The following EML1 variants were observed in gnomAD, a reference collection of about 807,000 sequenced individuals.
The protein encoded by EML1 is EMAP like 1.
In EML1, 27 loss-of-function variants were observed where a neutral mutation model predicts 110.4. The observed-to-expected ratio is 0.24, with a 90% CI of 0.18 to 0.34. The LOEUF (loss-of-function observed/expected upper bound fraction) is 0.34. Among genes scored for constraint, EML1 ranks in the 10% least tolerant of loss-of-function variants. The pLI is 1.00. For missense variants in EML1, 741 were observed against 1,030.9 expected (o/e 0.72, Z 3.85); for synonymous variants, 344 against 385.8 (o/e 0.89, Z 1.27).
upstream of EML1, among the ~76,000 whole-genome samples, chr14:99,790,865 C>CTTTTTTTTTTTTTTTTTTTTTTTTTTTT (rs763959981): frequency 6.5e-5 from 9 of 138,472 alleles, no homozygotes; most frequent in African/African-American, 2.0e-4. Flanking sequence ...TTTTTCTTTT[C>CTTTTTTTTTTTTTTTTTTTTTTTTTTTT]CTTTTTTTTT....
intron 1 of EML1, among the ~76,000 whole-genome samples, chr14:99,841,906 C>G (rs1039331482): frequency 2.6e-5 from 4 of 152,146 alleles, no homozygotes; most frequent in Non-Finnish European, 5.9e-5. Context: ...AGCAGGTGCC[C>G]AGCCCAACCG....
chr14:99,748,427 C>CTT (rs762393185), intron 1 of EML1, among the ~76,000 whole-genome samples: 1 of 146,974 alleles, frequency 6.8e-6, no homozygotes. Context: ...GCTTTGTTAT[C>CTT]TTTTTTTTTT....
At chr14:99,792,527 G>C (rs1019753720), upstream of EML1, among the ~76,000 whole-genome samples, 11 of 152,134 alleles carry the variant, frequency 7.2e-5, no homozygotes, top group African/African-American at 2.7e-4. Flanking sequence ...CAAACTCATA[G>C]ATCTATGTGT....
intron 1 of EML1, among the ~76,000 whole-genome samples, chr14:99,757,559 T>C (rs2057271150): frequency 6.6e-6 from 1 of 152,162 alleles, no homozygotes; most frequent in African/African-American, 2.4e-5. Context: ...AACTTTTTAT[T>C]GGGATGAGGA....
chr14:99,868,064 A>G (rs1416120527), intron 3 of EML1, among the ~76,000 whole-genome samples: 1 of 152,148 alleles, frequency 6.6e-6, no homozygotes, highest in African/African-American at 2.4e-5. Flanking sequence ...TTTCTGCATC[A>G]GTTGAAATGA....
At chr14:99,813,745 G>A (rs1329135780) in intron 1 of EML1, among the ~76,000 whole-genome samples, 1 of 152,072 alleles carries the variant, frequency 6.6e-6, no homozygotes, top group East Asian at 1.9e-4. Context: ...AGATGGAGGA[G>A]GACTGGCTAT....
intron 1 of EML1, among the ~76,000 whole-genome samples, chr14:99,844,299 C>T (rs1321765998): frequency 5.3e-5 from 8 of 152,078 alleles, no homozygotes; most frequent in African/African-American, 1.2e-4. Context: ...GCCCACATAG[C>T]GAAACCCCGT....
chr14:99,777,175 T>C (rs534676584), intron 1 of EML1, among the ~76,000 whole-genome samples: 16 of 152,062 alleles, frequency 1.1e-4, no homozygotes, highest in Non-Finnish European at 2.1e-4. Flanking sequence ...AAATGGGAGC[T>C]CAAGAAGAAA....
At chr14:99,856,998 A>G (rs2058913651) in intron 2 of EML1, among the ~76,000 whole-genome samples, 1 of 152,196 alleles carries the variant, frequency 6.6e-6, no homozygotes, top group Non-Finnish European at 1.5e-5. Context: ...ATGGCTGGGC[A>G]TGGTGGCTCA....
intron 17 of EML1, among the ~76,000 whole-genome samples, chr14:99,935,726 T>C (rs1309673962): frequency 7.4e-6 from 1 of 135,642 alleles, no homozygotes; most frequent in Non-Finnish European, 1.5e-5. Flanking sequence ...GAGCTTGCCG[T>C]GAGTCGAGAT....
At chr14:99,834,414 G>A (rs549477053) in intron 1 of EML1, among the ~76,000 whole-genome samples, 3 of 151,782 alleles carry the variant, frequency 2.0e-5, no homozygotes, top group African/African-American at 7.2e-5. Context: ...CAATTCTTCT[G>A]TCTCAGCCTC....
At chr14:99,807,445 C>T (rs2057997629) in intron 1 of EML1, among the ~76,000 whole-genome samples, 1 of 152,154 alleles carries the variant, frequency 6.6e-6, no homozygotes, top group Admixed American at 6.5e-5. Context: ...GCGATTGTGA[C>T]AAAGTCACTG....
intron 1 of EML1, among the ~76,000 whole-genome samples, chr14:99,774,315 G>A (rs920692989): frequency 3.3e-5 from 5 of 152,134 alleles, no homozygotes; most frequent in African/African-American, 1.2e-4. Context: ...ACCCTAACCC[G>A]CATCCACGCT....
chr14:99,901,827 T>C (rs1434729162), intron 9 of EML1, among the ~76,000 whole-genome samples: 1 of 152,192 alleles, frequency 6.6e-6, no homozygotes, highest in Non-Finnish European at 1.5e-5. Flanking sequence ...TCTCATTCTG[T>C]GACCTAGAAT....
rs181941635 is a variant in EML1, at chr14:99,855,908, C to G, written c.250+4873C>G. The stretch of plus-strand genomic sequence containing the variant: ...ACCCTCTAGCCTCAGTACATAGCCT[C>G]TGCAACCACTGTCAAAAGCCAACTA... On this transcript the variant is annotated intron_variant, in intron 2 of 21. Transcript: ENST00000262233. 7.1e-4 allele frequency among the ~76,000 whole-genome samples: 108 copies of G among 152,346 alleles called. 1 individual carries two copies. Among genetic ancestry groups the G allele is most frequent in the African/African-American group, 2.5e-3 (102 of 41,590 alleles).
At chr14:99,798,040 C>T (rs1240518071) in intron 1 of EML1, among the ~76,000 whole-genome samples, 1 of 152,200 alleles carries the variant, frequency 6.6e-6, no homozygotes, top group Admixed American at 6.5e-5. Context: ...GTAACTACCT[C>T]TCCAGGCAAT....
chr14:99,758,223 G>T (rs2057277269), intron 1 of EML1, among the ~76,000 whole-genome samples: 1 of 152,224 alleles, frequency 6.6e-6, no homozygotes, highest in South Asian at 2.1e-4. Flanking sequence ...ACGGAAGCCA[G>T]ATCATAAAAG....
At chr14:99,882,560 G>A (rs1484652600) in intron 4 of EML1, among the ~76,000 whole-genome samples, 4 of 150,908 alleles carry the variant, frequency 2.7e-5, no homozygotes, top group African/African-American at 7.3e-5. Context: ...CCTGGACTTC[G>A]GCCTCCCTGG....
chr14:99,841,534 T>C (rs1441065063), intron 1 of EML1, among the ~76,000 whole-genome samples: 2 of 152,178 alleles, frequency 1.3e-5, no homozygotes, highest in Non-Finnish European at 2.9e-5. Flanking sequence ...CTCTCTCTCT[T>C]GTGCCTCTAA....
Sources: allele counts gnomAD v4.1 joint callset (sites outside exome capture counted in the v4.1 genomes callset), GRCh38; gene constraint gnomAD v4.1.1; transcripts MANE v1.5; gene names NCBI Gene and HGNC (gene_info 2026-07-23, HGNC 2026-07-21).